Variants in TRIM3 observed in about 807,000 individuals in gnomAD.
The protein encoded by TRIM3 is tripartite motif containing 3.
Under a neutral mutation model 66.6 loss-of-function variants are expected in TRIM3, and 13 were observed. That is an observed-to-expected ratio of 0.20 (90% CI 0.13 to 0.31). The LOEUF is 0.31. Ranked by LOEUF, TRIM3 falls within the 10% of genes least tolerant of loss-of-function variation. The pLI is 1.00. For synonymous variants in TRIM3, 406 were observed against 411.7 expected, an observed-to-expected ratio of 0.99 and a Z score of 0.17; for missense variants, 711 against 1,020.4, an observed-to-expected ratio of 0.70 and a Z score of 4.13.
intron 7 of TRIM3, 101 bp downstream of exon 7, chr11:6,455,971 T>C: frequency 8.8e-7 from 1 of 1,139,390 alleles, no homozygotes. Flanking sequence ...ATCTGTAGGG[T>C]TCCATCTTCC....
chr11:6,450,521 A>G lies in TRIM3; in HGVS notation c.1941+30T>C. On this transcript the variant is annotated intron_variant, in intron 10 of 11. Coordinates refer to ENST00000345851, the MANE Select transcript of TRIM3 (RefSeq NM_033278.4). This position sits in a 1 kb window ranked among gnomAD's most constrained non-coding sequence, Gnocchi z 4.8. ...GTGGAAGAGGAAAGGATGTTGGGAC[A>G]GTGGTCACGGAGGGAGGGAAGACAC... The G allele has an allele frequency of 6.3e-7, 1 of 1,592,834 alleles. No individual in the cohort carries two copies. Among genetic ancestry groups the G allele is most frequent in the Non-Finnish European group, 8.6e-7 (1 of 1,160,540 alleles).
chr11:6,456,416 G>A lies in TRIM3; in HGVS notation c.1310C>T (p.Ser437Phe). Residue 437 changes from serine to phenylalanine, a missense_variant, in exon 6 of 12, where the codon TCC (serine) becomes TTC (phenylalanine). Transcript: ENST00000345851. This position sits in a 1 kb window ranked among gnomAD's most constrained non-coding sequence, Gnocchi z 6.4. ...SPDDVKRRVK[S>F]PGGPGSHVRQ... ...CACATGGCTGCCGGGGCCGCCAGGGGACTTGACACGGCGCTTCACATCGTC... is the reference window on the plus strand; with the variant it reads ...CACATGGCTGCCGGGGCCGCCAGGGAACTTGACACGGCGCTTCACATCGTC... 6.5e-7 allele frequency: 1 copy of A among 1,532,654 alleles called. No homozygotes were observed. The highest frequency in any genetic ancestry group is 8.8e-7 in the Non-Finnish European group (1 of 1,137,348). The allele number at this position is 1,532,654 out of a possible 1,614,324, so 94.9% of individuals were successfully genotyped here.
At position 6,466,538 on chromosome 11, in the gene TRIM3, A is replaced by G. The variant is rs576451646; in HGVS notation, c.-37-806T>C. On this transcript the variant is annotated intron_variant, in intron 1 of 11. Transcript: ENST00000345851. ...GACCAGTGAGGCTTAACTTTGCCCCATACCTTTTCTACAACCTCATGTCTC... is the reference window on the plus strand; with the variant it reads ...GACCAGTGAGGCTTAACTTTGCCCCGTACCTTTTCTACAACCTCATGTCTC... Among the ~76,000 whole-genome samples, 6 of 150,964 alleles carry G rather than the reference A, an allele frequency of 4.0e-5. No homozygotes were observed. The East Asian group carries it at 1.2e-3, about 29-fold the overall frequency.
At chr11:6,464,113 T>C (rs1025370836) in intron 2 of TRIM3, among the ~76,000 whole-genome samples, 17 of 152,124 alleles carry the variant, frequency 1.1e-4, no homozygotes, top group Non-Finnish European at 2.1e-4. Flanking sequence ...AAAATACAGA[T>C]GTGATCACAT....
intron 1 of TRIM3, among the ~76,000 whole-genome samples, chr11:6,472,650 T>C (rs1170276947): frequency 6.6e-6 from 1 of 152,234 alleles, no homozygotes; most frequent in Non-Finnish European, 1.5e-5. Context: ...TCAGTATATG[T>C]TGGTTACAGG....
chr11:6,461,980 A>T (rs12807424), intron 2 of TRIM3, among the ~76,000 whole-genome samples: 4,710 of 151,928 alleles, frequency 0.031, 115 homozygotes, highest in Non-Finnish European at 0.047. Flanking sequence ...ACCTCATCCC[A>T]CTTTACTCCT....
intron 7 of TRIM3, among the ~76,000 whole-genome samples, chr11:6,453,594 G>T (rs1377964617): frequency 1.3e-5 from 2 of 152,222 alleles, no homozygotes; most frequent in East Asian, 1.9e-4. Context: ...AAGGCTGAGG[G>T]AACTGAGAAG....
rs149045793 is a variant in TRIM3 at position 6,467,127 on chromosome 11, A to G, written c.-37-1395T>C. ...TGGGGAGGTGGTGGCAGATATTTTA[A>G]AAGTAAATAATAGTGGCAGGGAAGT... On this transcript the variant is annotated intron_variant, in intron 1 of 11. Transcript: ENST00000345851. Among the ~76,000 whole-genome samples, 26 of 152,266 alleles carry G rather than the reference A, an allele frequency of 1.7e-4. No individual in the cohort carries two copies. In the East Asian group the frequency reaches 5.0e-3, roughly 29 times the overall value.
intron 1 of TRIM3, among the ~76,000 whole-genome samples, chr11:6,471,474 T>C (rs765391483): frequency 3.9e-5 from 6 of 152,168 alleles, no homozygotes; most frequent in Admixed American, 3.3e-4. Flanking sequence ...AGGAAAGCAA[T>C]GAAATTCATG....
At chr11:6,468,452 G>A (rs1850554670) in intron 1 of TRIM3, among the ~76,000 whole-genome samples, 1 of 152,172 alleles carries the variant, frequency 6.6e-6, no homozygotes, top group South Asian at 2.1e-4. Flanking sequence ...AGGGACAGAG[G>A]GCAGACAGTG....
At chr11:6,472,034 G>A (rs1045025834) in intron 1 of TRIM3, among the ~76,000 whole-genome samples, 1 of 152,156 alleles carries the variant, frequency 6.6e-6, no homozygotes, top group Non-Finnish European at 1.5e-5. Flanking sequence ...ACACAAGCGA[G>A]AACCCTGGTA....
chr11:6,454,267 T>C (rs959768172), intron 7 of TRIM3, among the ~76,000 whole-genome samples: 9 of 152,006 alleles, frequency 5.9e-5, no homozygotes, highest in African/African-American at 2.2e-4. Context: ...GGCATGCGCC[T>C]GTAGTCCCAG....
Position 6,456,360 on chromosome 11 carries a change from T to C in TRIM3, c.1366A>G (p.Met456Val). 6.5e-7 allele frequency: 1 copy of C among 1,538,494 alleles called. No individual in the cohort carries two copies. Among genetic ancestry groups the C allele is most frequent in the Admixed American group, 2.0e-5 (1 of 51,256 alleles). ...RQKAVRRPSS[M>V]YSTGGKRKDN... ...TTTCGTTTGCCGCCTGTGCTGTACA[T>C]GGAGCTGGGCCTACGCACTGCCTTC... Residue 456 changes from methionine to valine, a missense_variant, in exon 6 of 12, where the codon ATG becomes GTG. Physicochemically the swap from Met to Val is conservative, Grantham distance 21. Coordinates refer to ENST00000345851, the MANE Select transcript of TRIM3 (RefSeq NM_033278.4). The surrounding 1 kb of genome is among the most constrained non-coding windows in gnomAD (Gnocchi z 6.4).
At chr11:6,464,487 A>G (rs1433124725) in intron 2 of TRIM3, among the ~76,000 whole-genome samples, 1 of 152,236 alleles carries the variant, frequency 6.6e-6, no homozygotes, top group Non-Finnish European at 1.5e-5. Flanking sequence ...CTTTATTTGC[A>G]GCACTTACTA....
chr11:6,459,527 G>C (rs919113752), intron 2 of TRIM3, among the ~76,000 whole-genome samples: 2 of 152,218 alleles, frequency 1.3e-5, no homozygotes, highest in Non-Finnish European at 2.9e-5. Flanking sequence ...CTGTTAGCAG[G>C]AGAAAGGGCA....
At chr11:6,469,274 G>T (rs1052819997) in intron 1 of TRIM3, among the ~76,000 whole-genome samples, 1 of 152,146 alleles carries the variant, frequency 6.6e-6, no homozygotes. Context: ...GTCACACAGG[G>T]GCGGGGATTG....
Position 6,457,915 on chromosome 11 carries a change from C to A in TRIM3, c.364-68G>T. On this transcript the variant is annotated intron_variant, in intron 3 of 11. Transcript: ENST00000345851. The surrounding 1 kb of genome is among the most constrained non-coding windows in gnomAD (Gnocchi z 4.5). Reference sequence around the variant, plus strand: ...ACTTCTTTGTCCCCTCCCCACCTGCCCTCCCTGCCCCTCACCTTCTAAGTG... The same window carrying A: ...ACTTCTTTGTCCCCTCCCCACCTGCACTCCCTGCCCCTCACCTTCTAAGTG... 6.3e-7 allele frequency: 1 copy of A among 1,589,706 alleles called. No homozygotes were observed.
In TRIM3 at chr11:6,451,043, G is replaced by C. The variant is rs145658560; in HGVS notation, c.1719C>G (p.Gly573=). 24 of 1,614,064 alleles carry C rather than the reference G, an allele frequency of 1.5e-5. No homozygotes were observed. The highest frequency in any genetic ancestry group is 2.0e-5 in the Non-Finnish European group (24 of 1,180,014). ...CCACTCCCTTGGGGCCCATGAGGCG[G>C]CCAGCTCCAATCTTGGTCTGGAGGA... The part of the protein sequence containing the change: ...EGKFKTKIGA[G]RLMGPKGVAV... Residue 573 remains glycine (G), a synonymous_variant, in exon 9 of 12, where the codon GGC becomes GGG. Coordinates refer to ENST00000345851, the MANE Select transcript of TRIM3 (RefSeq NM_033278.4).
intron 2 of TRIM3, among the ~76,000 whole-genome samples, chr11:6,460,570 A>G (rs1358901586): frequency 2.6e-5 from 4 of 152,132 alleles, no homozygotes; most frequent in Non-Finnish European, 1.5e-5. Flanking sequence ...GAGGATATAG[A>G]GAGGCACTAG....
Sources: gnomAD v4.1 joint callset for allele counts (sites outside exome capture counted in the v4.1 genomes callset) on GRCh38, gnomAD v4.1.1 for gene constraint, Gnocchi (gnomAD v3.1) non-coding constraint, MANE v1.5 for transcripts, NCBI Gene and HGNC (gene_info 2026-07-23, HGNC 2026-07-21) for gene names.